BTAF1: variants seen among roughly 807,000 people sequenced by gnomAD.
BTAF1 encodes B-TFIID TATA-box binding protein associated factor 1.
A neutral mutation model predicts 227.1 loss-of-function variants in BTAF1; 38 were observed. The ratio of observed to expected loss-of-function variants is 0.17; its 90% CI spans 0.13 to 0.22. The LOEUF (loss-of-function observed/expected upper bound fraction) is 0.22. Among genes scored for constraint, BTAF1 ranks in the 10% least tolerant of loss-of-function variants. BTAF1 has a pLI of 1.00. For missense variants in BTAF1, 1,598 were observed against 2,204.0 expected, an observed-to-expected ratio of 0.73 and a Z score of 5.51; for synonymous variants, 742 against 751.9, an observed-to-expected ratio of 0.99 and a Z score of 0.21.
intron 1 of BTAF1, among the ~76,000 whole-genome samples, chr10:91,930,133 A>G (rs2133768085): frequency 6.6e-6 from 1 of 152,298 alleles, no homozygotes; most frequent in South Asian, 2.1e-4. Flanking sequence ...TTTAAAATGT[A>G]TTATGAATTT....
At position 92,024,927 on chromosome 10, in the gene BTAF1, G is replaced by A; in HGVS notation, c.5035G>A (p.Gly1679Ser). ...LPSVTYLRLD[G>S]SIPPGQRHSI... is the part of the protein sequence containing the mutation. The stretch of plus-strand genomic sequence containing the variant: ...CTCTGTCACTTATTTGAGATTAGAT[G>A]GCAGCATACCTCCTGGTCAGAGGCA... The change falls in exon 35 of 38, where the codon GGC becomes AGC. Residue 1679 changes from glycine (G) to serine (S), a missense_variant. Physicochemically the swap from Gly to Ser is moderately conservative, Grantham distance 56 (BLOSUM62 0). Transcript: ENST00000265990. 6.2e-7 allele frequency: 1 copy of A among 1,613,896 alleles called. No homozygotes were observed.
Position 92,016,429 on chromosome 10 carries a change from A to G in BTAF1, c.4674A>G (p.Glu1558=), listed in dbSNP as rs748461285. The change falls in exon 33 of 38, where the codon GAA becomes GAG. Residue 1558 remains glutamate, a synonymous_variant. Transcript: ENST00000265990. ...VSSATLSEET[E]KPKLKATGHV... The stretch of plus-strand genomic sequence containing the variant: ...CAGCTACACTTTCTGAAGAAACTGA[A>G]AAACCAAAGCTTAAAGCTACAGGCC... 1.1e-5 allele frequency: 17 copies of G among 1,592,660 alleles called. No homozygotes were observed. Among genetic ancestry groups the G allele is most frequent in the Non-Finnish European group, 1.5e-5 (17 of 1,172,318 alleles).
At chr10:91,986,265 A>G (rs1317976713) in intron 19 of BTAF1, among the ~76,000 whole-genome samples, 3 of 152,172 alleles carry the variant, frequency 2.0e-5, no homozygotes, top group Non-Finnish European at 2.9e-5. Flanking sequence ...CTGAAGTTAT[A>G]TAAGTATGCT....
At chr10:91,991,265 A>AATTTAT in intron 20 of BTAF1, among the ~76,000 whole-genome samples, 1 of 90,074 alleles carries the variant, frequency 1.1e-5, no homozygotes, top group South Asian at 4.8e-4. Context: ...TATAAATATA[A>AATTTAT]ATATAAATAT....
At chr10:91,947,210 A>C (rs926811591) in intron 4 of BTAF1, among the ~76,000 whole-genome samples, 3 of 152,138 alleles carry the variant, frequency 2.0e-5, no homozygotes, top group African/African-American at 7.2e-5. Context: ...AGAAGCATAA[A>C]AGTTTTAAAT....
chr10:92,003,088 G>A (rs890940914), intron 25 of BTAF1, among the ~76,000 whole-genome samples: 6 of 151,900 alleles, frequency 3.9e-5, no homozygotes, highest in Admixed American at 1.3e-4. Flanking sequence ...CCTGGGAGGC[G>A]GAGGTTGCAG....
At chr10:91,997,475 A>C in intron 24 of BTAF1, 128 bp from the exon 25 acceptor site, 8 of 772,094 alleles carry the variant, frequency 1.0e-5, no homozygotes, top group Non-Finnish European at 1.6e-5. Flanking sequence ...CTGGAGGGTC[A>C]GTCTTTTCCC....
At chr10:92,016,265 C>A (rs1850715924) in intron 32 of BTAF1, 75 bp from the exon 33 acceptor site, 3 of 1,527,244 alleles carry the variant, frequency 2.0e-6, no homozygotes, top group African/African-American at 1.4e-5. Flanking sequence ...CTGTTATTGG[C>A]CTTTGCTGGT....
chr10:91,928,714 C>T lies in BTAF1; in HGVS notation c.14+4624C>T, dbSNP rs74149320. Reference sequence around the variant, plus strand: ...CCACCAACGGTAAAAGCAACCTTTGCGATCGCAGCACTGCACTCCAGCCTG... The same window carrying T: ...CCACCAACGGTAAAAGCAACCTTTGTGATCGCAGCACTGCACTCCAGCCTG... On this transcript the variant is annotated intron_variant, in intron 1 of 37. Coordinates refer to ENST00000265990, the MANE Select transcript of BTAF1 (RefSeq NM_003972.3). 3.4e-3 allele frequency among the ~76,000 whole-genome samples: 514 copies of T among 150,676 alleles called. 5 individuals are homozygous for T. The highest frequency in any genetic ancestry group is 0.012 in the African/African-American group (487 of 40,746).
rs945922893 is a variant in BTAF1, at chr10:91,962,400, G to C, written c.1264-138G>C. 13 of 574,202 alleles carry C rather than the reference G, an allele frequency of 2.3e-5. No homozygotes were observed. The Admixed American group carries it at 3.2e-4, about 14-fold the overall frequency. 35.6% of individuals were successfully genotyped at this position (574,202 alleles called of 1,614,324 possible). ...ACAGAATTGCCTGATGTATTTCTCAGAATGTATCCATTGTTAAGCAGTGCA... is the reference window on the plus strand; with the variant it reads ...ACAGAATTGCCTGATGTATTTCTCACAATGTATCCATTGTTAAGCAGTGCA... On this transcript the variant is annotated intron_variant, in intron 11 of 37. Coordinates refer to ENST00000265990, the MANE Select transcript of BTAF1 (RefSeq NM_003972.3).
intron 4 of BTAF1, among the ~76,000 whole-genome samples, chr10:91,948,389 T>C (rs1255916388): frequency 6.6e-6 from 1 of 151,378 alleles, no homozygotes; most frequent in Non-Finnish European, 1.5e-5. Flanking sequence ...ATTTATTTAT[T>C]TATTTATTTA....
At chr10:91,931,073 A>G (rs1003285615) in intron 1 of BTAF1, among the ~76,000 whole-genome samples, 1 of 152,172 alleles carries the variant, frequency 6.6e-6, no homozygotes, top group African/African-American at 2.4e-5. Context: ...TTTAAAATGC[A>G]TGACATTTCT....
rs1220522515 is a variant in BTAF1, at chr10:92,002,011, CACACTCCATAT to C, written c.3660+4262_3660+4272del. The stretch of plus-strand genomic sequence containing the variant: ...ACACACACACACACACACACACACA[CACACTCCATAT>C]ATTCAAGGTAGAGGAGGAAAGCATG... On this transcript the variant is annotated intron_variant, in intron 25 of 37. Coordinates refer to ENST00000265990, the MANE Select transcript of BTAF1 (RefSeq NM_003972.3). Among the ~76,000 whole-genome samples, 481 of 75,834 alleles carry C rather than the reference CACACTCCATAT, an allele frequency of 6.3e-3. 4 individuals are homozygous for C. The highest frequency in any genetic ancestry group is 0.013 in the African/African-American group (440 of 33,092). 49.8% of individuals were successfully genotyped at this position (75,834 alleles called of 152,430 possible).
intron 25 of BTAF1, among the ~76,000 whole-genome samples, chr10:92,007,460 G>A (rs1325750499): frequency 6.6e-6 from 1 of 151,942 alleles, no homozygotes; most frequent in African/African-American, 2.4e-5. Flanking sequence ...CAAGTGAGCC[G>A]CCTGCCTCAG....
chr10:91,944,673 C>G (rs1016690887), intron 4 of BTAF1, among the ~76,000 whole-genome samples: 21 of 152,212 alleles, frequency 1.4e-4, no homozygotes, highest in African/African-American at 4.8e-5. Context: ...ATTTTCGTCA[C>G]TTTAAGAAGA....
intron 36 of BTAF1, 66 bp from the exon 37 acceptor site, chr10:92,027,064 C>T: frequency 6.7e-7 from 1 of 1,500,390 alleles, no homozygotes; most frequent in Non-Finnish European, 9.0e-7. Flanking sequence ...TCTACAAGCC[C>T]TCTGACTCGT....
At chr10:91,997,395 T>C (rs1286015001) in intron 24 of BTAF1, among the ~76,000 whole-genome samples, 1 of 152,232 alleles carries the variant, frequency 6.6e-6, no homozygotes, top group Non-Finnish European at 1.5e-5. Context: ...TTCCTAATCA[T>C]GAGAAAGTTA....
chr10:91,957,512 G>A (rs950801619), intron 8 of BTAF1, among the ~76,000 whole-genome samples: 2 of 151,928 alleles, frequency 1.3e-5, no homozygotes, highest in South Asian at 2.1e-4. Flanking sequence ...ATTTCTTTTC[G>A]TTCTTTAAAT....
Position 92,016,604 on chromosome 10 carries a change from T to C in BTAF1, c.4710+139T>C, listed in dbSNP as rs1850750072. 3 of 624,176 alleles carry C rather than the reference T, an allele frequency of 4.8e-6. No homozygotes were observed. The Admixed American group carries it at 1.2e-4, about 26-fold the overall frequency. The allele number at this position is 624,176 out of a possible 1,614,324, so 38.7% of individuals were successfully genotyped here. On this transcript the variant is annotated intron_variant, in intron 33 of 37. Coordinates refer to ENST00000265990, the MANE Select transcript of BTAF1 (RefSeq NM_003972.3). ...AGCTATCATGCCTCAGACTCCTGAG[T>C]AGCTGGGAGTAGAGGTGTGCGCCAC...
Sources: gnomAD v4.1 joint callset for allele counts (sites outside exome capture counted in the v4.1 genomes callset) on GRCh38, gnomAD v4.1.1 for gene constraint, MANE v1.5 for transcripts, NCBI Gene and HGNC (gene_info 2026-07-23, HGNC 2026-07-21) for gene names.